The following ATG10 variants were observed in gnomAD, a reference collection of about 807,000 sequenced individuals.
ATG10 encodes autophagy related 10, also known as ubiquitin-like-conjugating enzyme ATG10.
In ATG10, 30 loss-of-function variants were observed where a neutral mutation model predicts 32.1. That is an observed-to-expected ratio of 0.94 (90% CI 0.70 to 1.27). ATG10 has a LOEUF of 1.27. ATG10 is among the 50% of genes most tolerant of loss of function. The pLI is 0.00. For missense variants in ATG10, 233 were observed against 262.3 expected, an observed-to-expected ratio of 0.89 and a Z score of 0.77; for synonymous variants, 87 against 91.5, an observed-to-expected ratio of 0.95 and a Z score of 0.28.
chr5:82,206,649 C>CAA (rs200249945), intron 5 of ATG10, among the ~76,000 whole-genome samples: 5 of 84,666 alleles, frequency 5.9e-5, no homozygotes, highest in African/African-American at 9.0e-5. Flanking sequence ...GACTCCATCT[C>CAA]AAAAAAAAAA....
At chr5:82,109,271 T>A (rs139269378) in intron 3 of ATG10, among the ~76,000 whole-genome samples, 2 of 152,158 alleles carry the variant, frequency 1.3e-5, no homozygotes, top group African/African-American at 4.8e-5. Flanking sequence ...CAGAATCAAC[T>A]GTTGTAGGGG....
intron 3 of ATG10, among the ~76,000 whole-genome samples, chr5:82,126,974 A>G (rs1245196548): frequency 5.3e-5 from 8 of 151,922 alleles, no homozygotes; most frequent in African/African-American, 1.2e-4. Flanking sequence ...TTATTGGTCT[A>G]TTCAGGAATT....
chr5:82,177,370 T>C (rs1366994404), intron 4 of ATG10, among the ~76,000 whole-genome samples: 1 of 152,118 alleles, frequency 6.6e-6, no homozygotes, highest in East Asian at 1.9e-4. Flanking sequence ...CTTAATACAG[T>C]GATTTTTGGA....
chr5:82,078,877 C>T (rs1445831990), intron 3 of ATG10, among the ~76,000 whole-genome samples: 2 of 152,138 alleles, frequency 1.3e-5, no homozygotes, highest in Non-Finnish European at 2.9e-5. Flanking sequence ...TGGTGAATTG[C>T]AGAGGCTATT....
intron 3 of ATG10, among the ~76,000 whole-genome samples, chr5:82,063,403 G>C (rs1048024705): frequency 2.6e-5 from 4 of 152,016 alleles, no homozygotes; most frequent in African/African-American, 9.7e-5. Context: ...TGTGATACCA[G>C]TAGAAGATAC....
At chr5:82,142,890 TG>T (rs559209019) in intron 3 of ATG10, among the ~76,000 whole-genome samples, 58 of 152,268 alleles carry the variant, frequency 3.8e-4, no homozygotes, top group Non-Finnish European at 6.6e-4. Flanking sequence ...TTTGGACATC[TG>T]GGTATTATGT....
At chr5:82,129,149 C>T (rs892402843) in intron 3 of ATG10, among the ~76,000 whole-genome samples, 1 of 151,610 alleles carries the variant, frequency 6.6e-6, no homozygotes, top group Non-Finnish European at 1.5e-5. Context: ...GCCTTTGATA[C>T]CTTTGTATGC....
At position 82,157,904 on chromosome 5, in the gene ATG10, G is replaced by A. The variant is rs145783027; in HGVS notation, c.217-6495G>A. ...CAAATCAACTATCTTTTCCTCAAGG[G>A]ATGTTATGAATAAAGCTCATTACTT... On this transcript the variant is annotated intron_variant, in intron 3 of 7. Coordinates refer to ENST00000282185, the MANE Select transcript of ATG10 (RefSeq NM_031482.5). Among the ~76,000 whole-genome samples the A allele has an allele frequency of 3.2e-3, 494 of 152,290 alleles. 3 individuals are homozygous for A. Among genetic ancestry groups the A allele is most frequent in the South Asian group, 8.9e-3 (43 of 4,820 alleles).
Position 82,254,889 on chromosome 5 carries a change from A to AGTGTGT in ATG10, c.*829_*830insTGTGTG, listed in dbSNP as rs1313724054. 9.1e-6 allele frequency: 1 copy of AGTGTGT among 110,474 alleles called. No homozygotes were observed. The highest frequency in any genetic ancestry group is 3.6e-4 in the South Asian group (1 of 2,774). 6.8% of individuals were successfully genotyped at this position (110,474 alleles called of 1,614,324 possible). ...GTTTTACTCCAAAAGAGAGAGAGAG[A>AGTGTGT]GTGAGTGTGAGTGTGTGTGTGTGTG... On this transcript the variant is annotated 3_prime_UTR_variant, in exon 8 of 8. Coordinates refer to ENST00000282185, the MANE Select transcript of ATG10 (RefSeq NM_031482.5).
At chr5:82,144,376 C>G (rs1360586956) in intron 3 of ATG10, among the ~76,000 whole-genome samples, 2 of 151,520 alleles carry the variant, frequency 1.3e-5, no homozygotes, top group African/African-American at 4.8e-5. Context: ...CCTGGGTTTA[C>G]TTTGCTCTTT....
intron 2 of ATG10, among the ~76,000 whole-genome samples, chr5:82,002,326 C>T (rs2149684922): frequency 6.6e-6 from 1 of 152,260 alleles, no homozygotes; most frequent in South Asian, 2.1e-4. Context: ...AATCATTCTG[C>T]CATAAACACA....
intron 2 of ATG10, among the ~76,000 whole-genome samples, chr5:82,047,032 G>A (rs370783042): frequency 1.3e-5 from 2 of 150,102 alleles, no homozygotes; most frequent in East Asian, 3.9e-4. Context: ...GCAAAACTAA[G>A]CCTTTAAGAA....
intron 1 of ATG10, among the ~76,000 whole-genome samples, chr5:81,982,558 CCCT>C (rs1761084485): frequency 6.7e-6 from 1 of 150,178 alleles, no homozygotes; most frequent in Non-Finnish European, 1.5e-5. Context: ...TTTTTTTTTC[CCCT>C]TTTATTTATT....
At chr5:82,035,619 ATGT>A in intron 2 of ATG10, among the ~76,000 whole-genome samples, 1 of 151,848 alleles carries the variant, frequency 6.6e-6, no homozygotes, top group East Asian at 1.9e-4. Context: ...ATTAATACTA[ATGT>A]TGAGCATATT....
intron 5 of ATG10, among the ~76,000 whole-genome samples, chr5:82,191,354 G>A (rs1431262712): frequency 6.6e-6 from 1 of 152,204 alleles, no homozygotes; most frequent in African/African-American, 2.4e-5. Context: ...GTTGGTCTGT[G>A]GGAGTACCTG....
chr5:82,080,577 A>G (rs922890151), intron 3 of ATG10, among the ~76,000 whole-genome samples: 2 of 152,204 alleles, frequency 1.3e-5, no homozygotes, highest in Non-Finnish European at 2.9e-5. Flanking sequence ...AGCTTTCCAT[A>G]TATGGCTAGC....
intron 3 of ATG10, among the ~76,000 whole-genome samples, chr5:82,084,925 A>G (rs1581674112): frequency 6.6e-6 from 1 of 152,306 alleles, no homozygotes; most frequent in Admixed American, 6.5e-5. Context: ...TGCATCAACT[A>G]ACGAGCAAAA....
intron 1 of ATG10, among the ~76,000 whole-genome samples, chr5:81,983,503 G>A (rs1340861001): frequency 2.8e-5 from 4 of 144,762 alleles, no homozygotes; most frequent in Non-Finnish European, 1.5e-5. Flanking sequence ...AGCTGGCCGG[G>A]CGGGGGGCTG....
At chr5:82,198,760 G>T (rs570256854) in intron 5 of ATG10, among the ~76,000 whole-genome samples, 1 of 152,312 alleles carries the variant, frequency 6.6e-6, no homozygotes, top group South Asian at 2.1e-4. Flanking sequence ...TGGGGGACTT[G>T]CCTGAAACTA....
Sources: allele counts gnomAD v4.1 joint callset (sites outside exome capture counted in the v4.1 genomes callset), GRCh38; gene constraint gnomAD v4.1.1; transcripts MANE v1.5; gene names NCBI Gene and HGNC (gene_info 2026-07-23, HGNC 2026-07-21).